Variants in CDK11B observed in about 807,000 individuals in gnomAD.
CDK11B encodes the protein cyclin-dependent kinase 11B.
In CDK11B, 37 loss-of-function variants were observed where a neutral mutation model predicts 84.0. The observed-to-expected ratio is 0.44, with a 90% CI of 0.34 to 0.58. The LOEUF is 0.58. CDK11B is among the 20% of genes least tolerant of loss of function. CDK11B has a pLI of 0.02. For synonymous variants in CDK11B, 269 were observed against 309.8 expected, an observed-to-expected ratio of 0.87 and a Z score of 1.38; for missense variants, 427 against 834.0, an observed-to-expected ratio of 0.51 and a Z score of 6.01.
At chr1:1,650,302 A>G (rs1441924318) in intron 4 of CDK11B, among the ~76,000 whole-genome samples, 3 of 149,654 alleles carry the variant, frequency 2.0e-5, no homozygotes, top group Admixed American at 1.3e-4. Flanking sequence ...AATCAAGAAC[A>G]GTAAATATTT....
intron 4 of CDK11B, among the ~76,000 whole-genome samples, chr1:1,651,148 A>G (rs1641954058): frequency 2.6e-5 from 4 of 152,346 alleles, no homozygotes; most frequent in Non-Finnish European, 5.9e-5. Flanking sequence ...TGATGTTGGT[A>G]CGAGATCAAA....
intron 14 of CDK11B, 98 bp downstream of exon 14, chr1:1,637,310 T>C (rs1238437519): frequency 3.3e-5 from 52 of 1,567,022 alleles, no homozygotes; most frequent in Admixed American, 9.5e-5. Flanking sequence ...GCTTTCCCTG[T>C]GGATGCAGCT....
intron 3 of CDK11B, among the ~76,000 whole-genome samples, chr1:1,654,856 C>CACTGTGTTAG (rs1164379819): frequency 6.6e-6 from 1 of 151,500 alleles, no homozygotes; most frequent in Non-Finnish European, 1.5e-5. Flanking sequence ...GACGGGGTTT[C>CACTGTGTTAG]ACTGTGTTAG....
At chr1:1,658,463 T>C (rs1411043770) in intron 1 of CDK11B, among the ~76,000 whole-genome samples, 2 of 148,828 alleles carry the variant, frequency 1.3e-5, no homozygotes, top group Non-Finnish European at 3.0e-5. Context: ...TACGTGATAG[T>C]ATCGATCGCG....
intron 4 of CDK11B, 137 bp downstream of exon 4, chr1:1,652,302 T>TC (rs1642122466): frequency 2.9e-6 from 2 of 680,110 alleles, no homozygotes; most frequent in African/African-American, 3.8e-5. Context: ...TTCTGAACGG[T>TC]CTGTGACACA....
chr1:1,657,216 G>C (rs765473516), intron 2 of CDK11B, 159 bp downstream of exon 2: 8 of 1,613,888 alleles, frequency 5.0e-6, no homozygotes, highest in East Asian at 2.2e-5. Context: ...CTGAATATTT[G>C]AATGTTTTTG....
intron 5 of CDK11B, among the ~76,000 whole-genome samples, chr1:1,648,122 C>T (rs1158668708): frequency 6.6e-6 from 1 of 152,276 alleles, no homozygotes; most frequent in Non-Finnish European, 1.5e-5. Flanking sequence ...TCCCACGTAG[C>T]ATATGCTACC....
rs761539305 is a variant in CDK11B at position 1,637,390 on chromosome 1, C to T, written c.1570+18G>A. 8 of 1,611,000 alleles carry T rather than the reference C, an allele frequency of 5.0e-6. No individual in the cohort carries two copies. The East Asian group carries it at 8.9e-5, about 18-fold the overall frequency. ...GCCCCCACTTGTACGCAGACAGGCCCCTGGGGCGCGGCTGTACCTGGCAGG... is the reference window on the plus strand; with the variant it reads ...GCCCCCACTTGTACGCAGACAGGCCTCTGGGGCGCGGCTGTACCTGGCAGG... On this transcript the variant is annotated intron_variant, in intron 14 of 19. Transcript: ENST00000341832.
intron 6 of CDK11B, among the ~76,000 whole-genome samples, chr1:1,644,919 G>A (rs1570112685): frequency 6.7e-6 from 1 of 148,490 alleles, no homozygotes; most frequent in African/African-American, 2.6e-5. Flanking sequence ...CTTGAACCCG[G>A]GAGGCAGAGG....
Position 1,652,595 on chromosome 1 carries a change from A to T in CDK11B, c.228-29T>A, listed in dbSNP as rs1642151470. The T allele has an allele frequency of 4.4e-6, 6 of 1,365,828 alleles. No individual in the cohort carries two copies. In the South Asian group the frequency reaches 1.4e-4, roughly 31 times the overall value. The allele number at this position is 1,365,828 out of a possible 1,614,324, so 84.6% of individuals were successfully genotyped here. ...AAATAAAACACAACAGCACTGCATCATGCTTGAGAAAGTGCAAAGAAGCAT... is the reference window on the plus strand; with the variant it reads ...AAATAAAACACAACAGCACTGCATCTTGCTTGAGAAAGTGCAAAGAAGCAT... On this transcript the variant is annotated intron_variant, in intron 3 of 19. Transcript: ENST00000341832.
intron 4 of CDK11B, 76 bp from the exon 5 acceptor site, chr1:1,649,713 G>A (rs1340247181): frequency 4.8e-6 from 7 of 1,457,662 alleles, no homozygotes; most frequent in African/African-American, 1.4e-5. Context: ...GGAGGCTTAT[G>A]CCTGTAATCC....
chr1:1,643,187 T>G (rs1367928187), intron 6 of CDK11B, among the ~76,000 whole-genome samples: 1 of 83,664 alleles, frequency 1.2e-5, no homozygotes, highest in Non-Finnish European at 2.2e-5. Context: ...ATTCCCCCTT[T>G]AGGAGGCAGA....
At chr1:1,645,888 G>C (rs1641025570) in intron 5 of CDK11B, 1 of 348,036 alleles carries the variant, frequency 2.9e-6, no homozygotes, top group African/African-American at 2.2e-5. Flanking sequence ...ACCCAGGCTG[G>C]AGTGCAGTGG....
At chr1:1,646,898 A>G (rs1171934819) in intron 5 of CDK11B, 3 of 519,892 alleles carry the variant, frequency 5.8e-6, no homozygotes, top group African/African-American at 3.8e-5. Flanking sequence ...CTTTCATGGG[A>G]TGGGTCATTC....
intron 11 of CDK11B, among the ~76,000 whole-genome samples, chr1:1,639,491 G>T (rs1335141005): frequency 1.3e-5 from 2 of 151,936 alleles, no homozygotes; most frequent in Non-Finnish European, 2.9e-5. Context: ...TGACACTGAG[G>T]ACGGGCCCTA....
intron 11 of CDK11B, among the ~76,000 whole-genome samples, chr1:1,638,994 G>C (rs1329274594): frequency 6.8e-6 from 1 of 147,092 alleles, no homozygotes; most frequent in Non-Finnish European, 1.5e-5. Context: ...AGGCTGGAGT[G>C]CAATGGTGAG....
chr1:1,648,736 G>A (rs28525262), intron 5 of CDK11B, among the ~76,000 whole-genome samples: 51,815 of 152,054 alleles, frequency 0.34, 11,147 homozygotes, highest in Non-Finnish European at 0.48. Context: ...GGAGTCCAGG[G>A]TCCCGAATTC....
chr1:1,648,161 A>G (rs1317205323), intron 5 of CDK11B, among the ~76,000 whole-genome samples: 1 of 152,236 alleles, frequency 6.6e-6, no homozygotes, highest in Non-Finnish European at 1.5e-5. Flanking sequence ...GCTGATCTGA[A>G]TCGGCCCTAC....
At chr1:1,650,361 CT>C (rs1167345235) in intron 4 of CDK11B, among the ~76,000 whole-genome samples, 2 of 121,166 alleles carry the variant, frequency 1.7e-5, no homozygotes, top group South Asian at 2.7e-4. Context: ...CCTAATTTTT[CT>C]TTTTTTTCTT....
Sources: gnomAD v4.1 joint callset for allele counts (sites outside exome capture counted in the v4.1 genomes callset) on GRCh38, gnomAD v4.1.1 for gene constraint, MANE v1.5 for transcripts, NCBI Gene and HGNC (gene_info 2026-07-23, HGNC 2026-07-21) for gene names.